Variants in PICK1 observed in about 807,000 individuals in gnomAD.
PICK1 encodes PRKCA-binding protein.
A neutral mutation model predicts 48.9 loss-of-function variants in PICK1; 23 were observed. The ratio of observed to expected loss-of-function variants is 0.47; its 90% confidence interval spans 0.34 to 0.67. The LOEUF is 0.67. Among genes scored for constraint, PICK1 ranks in the 30% least tolerant of loss-of-function variants. The pLI is 0.01. For synonymous variants in PICK1, 217 were observed against 228.2 expected, an observed-to-expected ratio of 0.95 and a Z score of 0.44; for missense variants, 423 against 557.1, an observed-to-expected ratio of 0.76 and a Z score of 2.42.
intron 2 of PICK1, among the ~76,000 whole-genome samples, chr22:38,058,956 G>A (rs551653004): frequency 2.0e-5 from 3 of 152,262 alleles, no homozygotes; most frequent in African/African-American, 7.2e-5. Flanking sequence ...GCAGTGAGCC[G>A]AGATTGCGCC....
rs771625974 is a variant in PICK1 at position 38,074,874 on chromosome 22, C to G, written c.990C>G (p.Ile330Met). Residue 330 changes from isoleucine to methionine, a missense_variant, in exon 13 of 13, where the codon ATC becomes ATG. Coordinates refer to ENST00000356976, the MANE Select transcript of PICK1 (RefSeq NM_012407.4). The surrounding 1 kb of genome is among the most constrained non-coding windows in gnomAD (Gnocchi z 4.5). The stretch of plus-strand genomic sequence containing the variant: ...GACCTCCCACCCCAGTCCAGGACAT[C>G]GTGTTCCAGCTGCAGCGCCTCGTGT... ...ELLDQKHVQD[I>M]VFQLQRLVST... The G allele has an allele frequency of 6.2e-7, 1 of 1,612,350 alleles. No individual in the cohort carries two copies. Among genetic ancestry groups the G allele is most frequent in the South Asian group, 1.1e-5 (1 of 91,088 alleles).
In PICK1 at chr22:38,072,732, A is replaced by G. The variant is rs2085732689; in HGVS notation, c.690+122A>G. Reference sequence around the variant, plus strand: ...GGTACAGCCTCTGGCTCAGTCACCCACACAGTGGACTGTGGGTGAGTCACT... The same window carrying G: ...GGTACAGCCTCTGGCTCAGTCACCCGCACAGTGGACTGTGGGTGAGTCACT... On this transcript the variant is annotated intron_variant, in intron 9 of 12. Transcript: ENST00000356976. The G allele has an allele frequency of 1.4e-6, 2 of 1,396,974 alleles. 1 individual carries two copies. The highest frequency in any genetic ancestry group is 2.0e-6 in the Non-Finnish European group (2 of 996,552). The allele number at this position is 1,396,974 out of a possible 1,614,324, so 86.5% of individuals were successfully genotyped here.
rs758502220 is a variant in PICK1, at chr22:38,074,829, C to G, written c.980-35C>G. 1 of 1,604,118 alleles carries G rather than the reference C, an allele frequency of 6.2e-7. No homozygotes were observed. The highest frequency in any genetic ancestry group is 1.1e-5 in the South Asian group (1 of 91,040). ...TCCTCCCTGAGGCAGGCAGCCAGAG[C>G]CCACTGCAGCCTGTCCCCCGACCTC... On this transcript the variant is annotated intron_variant, in intron 12 of 12. Transcript: ENST00000356976. The surrounding 1 kb of genome is among the most constrained non-coding windows in gnomAD (Gnocchi z 4.5).
rs1937990608 is a variant in PICK1, at chr22:38,074,195, A to G, written c.835-112A>G. On this transcript the variant is annotated intron_variant, in intron 11 of 12. Transcript: ENST00000356976. The surrounding 1 kb of genome is among the most constrained non-coding windows in gnomAD (Gnocchi z 4.5). ...CTATCACTGAGTGCTTCTGAGAAAC[A>G]CTGAAGTCTCAGAAATGAGGTCTCA... 3.8e-6 allele frequency: 5 copies of G among 1,305,776 alleles called. No homozygotes were observed. The highest frequency in any genetic ancestry group is 5.4e-6 in the Non-Finnish European group (5 of 918,578). 80.9% of individuals were successfully genotyped at this position (1,305,776 alleles called of 1,614,324 possible).
chr22:38,062,974 G>A (rs1028429794), intron 3 of PICK1, among the ~76,000 whole-genome samples: 2 of 152,092 alleles, frequency 1.3e-5, no homozygotes, highest in Non-Finnish European at 2.9e-5. Flanking sequence ...TTTTGTCCCT[G>A]GTGTTGGGAG....
chr22:38,057,987 C>G (rs2085311631), intron 2 of PICK1, 137 bp downstream of exon 2: 1 of 744,558 alleles, frequency 1.3e-6, no homozygotes, highest in Non-Finnish European at 2.4e-6. Flanking sequence ...GGACCCTGCT[C>G]TCCCAGGAGC....
Position 38,067,863 on chromosome 22 carries a change from C to G in PICK1, c.349+93C>G, listed in dbSNP as rs1601948825. 3.0e-6 allele frequency: 3 copies of G among 1,009,504 alleles called. No individual in the cohort carries two copies. In the East Asian group the frequency reaches 7.4e-5, roughly 25 times the overall value. 62.5% of individuals were successfully genotyped at this position (1,009,504 alleles called of 1,614,324 possible). On this transcript the variant is annotated intron_variant, in intron 5 of 12. Coordinates refer to ENST00000356976, the MANE Select transcript of PICK1 (RefSeq NM_012407.4). ...GTGCCACAGCCAGCCCTGCCCTCCCCTTTATGACAGGAGAATCCAGAGTTA... is the reference window on the plus strand; with the variant it reads ...GTGCCACAGCCAGCCCTGCCCTCCCGTTTATGACAGGAGAATCCAGAGTTA...
chr22:38,057,289 C>T (rs1280177461), upstream of PICK1: 9 of 181,902 alleles, frequency 4.9e-5, no homozygotes, highest in South Asian at 6.5e-4. Context: ...TACTTGTTCT[C>T]GTTCTTGGTT....
Position 38,074,141 on chromosome 22 carries a change from T to A in PICK1, c.835-166T>A. On this transcript the variant is annotated intron_variant, in intron 11 of 12. Coordinates refer to ENST00000356976, the MANE Select transcript of PICK1 (RefSeq NM_012407.4). The surrounding 1 kb of genome is among the most constrained non-coding windows in gnomAD (Gnocchi z 4.5). The stretch of plus-strand genomic sequence containing the variant: ...AGTGTTCATTGAATGTGGCAGAGGT[T>A]TGGGTTTGGTTTTTTCCTCTCTTCA... 1 of 766,442 alleles carries A rather than the reference T, an allele frequency of 1.3e-6. No individual in the cohort carries two copies. The highest frequency in any genetic ancestry group is 1.7e-5 in the African/African-American group (1 of 57,376). 47.5% of individuals were successfully genotyped at this position (766,442 alleles called of 1,614,324 possible). A position where few individuals can be genotyped will look rare whatever the true frequency, so the allele number is the denominator to read the frequency against.
intron 6 of PICK1, among the ~76,000 whole-genome samples, chr22:38,070,269 C>T (rs1319840962): frequency 1.3e-5 from 2 of 152,258 alleles, no homozygotes; most frequent in African/African-American, 4.8e-5. Flanking sequence ...CTGTCCATCG[C>T]CCGGCCACTG....
Position 38,057,767 on chromosome 22 carries a change from A to G in PICK1, c.-43A>G. ...CCCGGATCCAGTTCCCCATTCCCCT[A>G]CCGAGCTGGGCAGTTAGCCAGCCCA... On this transcript the variant is annotated 5_prime_UTR_variant, in exon 2 of 13. Coordinates refer to ENST00000356976, the MANE Select transcript of PICK1 (RefSeq NM_012407.4). 1 of 1,591,258 alleles carries G rather than the reference A, an allele frequency of 6.3e-7. No individual in the cohort carries two copies. The highest frequency in any genetic ancestry group is 8.6e-7 in the Non-Finnish European group (1 of 1,159,208).
At chr22:38,061,662 G>T (rs2085406229) in intron 3 of PICK1, among the ~76,000 whole-genome samples, 1 of 152,116 alleles carries the variant, frequency 6.6e-6, no homozygotes, top group Admixed American at 6.6e-5. Flanking sequence ...GGGATTACAG[G>T]CACGTGCCAC....
At chr22:38,068,278 G>C (rs2085582092) in intron 5 of PICK1, among the ~76,000 whole-genome samples, 1 of 152,226 alleles carries the variant, frequency 6.6e-6, no homozygotes, top group African/African-American at 2.4e-5. Flanking sequence ...CCTCCTGTTA[G>C]AGGGGCTGAG....
rs542564404 is a variant in PICK1, at chr22:38,074,624, G to A, written c.979+173G>A. 6.6e-6 allele frequency among the ~76,000 whole-genome samples: 1 copy of A among 152,348 alleles called. No individual in the cohort carries two copies. Among genetic ancestry groups the A allele is most frequent in the South Asian group, 2.1e-4 (1 of 4,832 alleles). ...GCTGGCCTGTGCGCGTGGGCTCCGT[G>A]GGCTGCCATCCATGATCCATTTACC... On this transcript the variant is annotated intron_variant, in intron 12 of 12. Transcript: ENST00000356976. The surrounding 1 kb of genome is among the most constrained non-coding windows in gnomAD (Gnocchi z 4.5).
chr22:38,059,880 G>A (rs2085357078), intron 3 of PICK1, among the ~76,000 whole-genome samples: 1 of 152,198 alleles, frequency 6.6e-6, no homozygotes, highest in Non-Finnish European at 1.5e-5. Flanking sequence ...CTGGGTTCTT[G>A]TGAGAAGTCA....
chr22:38,074,992 G>A lies in PICK1; in HGVS notation c.1108G>A (p.Ala370Thr), dbSNP rs2085802668. 1 of 1,613,706 alleles carries A rather than the reference G, an allele frequency of 6.2e-7. No homozygotes were observed. The highest frequency in any genetic ancestry group is 8.5e-7 in the Non-Finnish European group (1 of 1,180,038). ...GGTAGACCTGGCGCACACCACATTGGCCTATGGCCTCAACCAGGAGGAGTT... is the reference window on the plus strand; with the variant it reads ...GGTAGACCTGGCGCACACCACATTGACCTATGGCCTCAACCAGGAGGAGTT... ...IEVDLAHTTL[A>T]YGLNQEEFTD... The change falls in exon 13 of 13, where the codon GCC (alanine) becomes ACC (threonine). Residue 370 changes from alanine to threonine, a missense_variant. Around this residue, in one of 2 missense-constraint regions of PICK1, gnomAD observed 144 missense variants for 139.3 expected, o/e 1.03. Transcript: ENST00000356976. The surrounding 1 kb of genome is among the most constrained non-coding windows in gnomAD (Gnocchi z 4.5).
chr22:38,059,275 A>G lies in PICK1; in HGVS notation c.83A>G (p.Asp28Gly), dbSNP rs752748202. Residue 28 changes from aspartate (D) to glycine (G), a missense_variant, in exon 3 of 13, where the codon GAT (aspartate) becomes GGT (glycine). Asp to Gly is a moderately conservative substitution (Grantham distance 94). This residue lies in a region of PICK1 where 279 missense variants were observed against 417.8 expected (regional missense o/e 0.67). Transcript: ENST00000356976. ...CCTGGGAAGGTGACCCTGCAGAAGGATGCTCAGAACCTGATCGGGATCAGC... is the reference window on the plus strand; with the variant it reads ...CCTGGGAAGGTGACCCTGCAGAAGGGTGCTCAGAACCTGATCGGGATCAGC... The part of the protein sequence containing the change: ...TVPGKVTLQK[D>G]AQNLIGISIG... 1.9e-6 allele frequency: 3 copies of G among 1,584,784 alleles called. No individual in the cohort carries two copies. In the South Asian group the frequency reaches 3.5e-5, roughly 18 times the overall value.
Position 38,057,516 on chromosome 22 carries a change from GC to G in PICK1, c.-127del. Reference sequence around the variant, plus strand: ...TGAGCGACAGAGGCAGCTCCCCAGGGCCTGGAGACCCGTGGGGCGGACTCTG... The same window carrying G: ...TGAGCGACAGAGGCAGCTCCCCAGGGCTGGAGACCCGTGGGGCGGACTCTG... On this transcript the variant is annotated 5_prime_UTR_variant, in exon 1 of 13. Coordinates refer to ENST00000356976, the MANE Select transcript of PICK1 (RefSeq NM_012407.4). The G allele has an allele frequency of 2.1e-6, 1 of 468,970 alleles. No homozygotes were observed. The highest frequency in any genetic ancestry group is 3.9e-6 in the Non-Finnish European group (1 of 258,168). The allele number at this position is 468,970 out of a possible 1,614,324, so 29.1% of individuals were successfully genotyped here. A position where few individuals can be genotyped will look rare whatever the true frequency, so the allele number is the denominator to read the frequency against.
chr22:38,067,816 T>C (rs982856793), intron 5 of PICK1, 46 bp downstream of exon 5: 4 of 1,524,028 alleles, frequency 2.6e-6, no homozygotes, highest in Non-Finnish European at 3.6e-6. Flanking sequence ...CCTCCCTGGA[T>C]GGGCCCTGGC....
Sources: gnomAD v4.1 joint callset for allele counts (sites outside exome capture counted in the v4.1 genomes callset) on GRCh38, gnomAD v4.1.1 for gene constraint, gnomAD v4.1.1 regional missense constraint, Gnocchi (gnomAD v3.1) non-coding constraint, MANE v1.5 for transcripts, NCBI Gene and HGNC (gene_info 2026-07-23, HGNC 2026-07-21) for gene names.